TOM1L1: variants seen among roughly 807,000 people sequenced by gnomAD.
TOM1L1 encodes target of myb1 like 1 membrane trafficking protein.
Under a neutral mutation model 63.4 loss-of-function variants are expected in TOM1L1, and 64 were observed. That is an observed-to-expected ratio of 1.01 (90% CI 0.83 to 1.24). TOM1L1 has a LOEUF of 1.24. Among genes scored for constraint, TOM1L1 ranks in the 50% most tolerant of loss-of-function variants. The pLI is 0.00. For missense variants in TOM1L1, 536 were observed against 567.0 expected (o/e 0.95, Z 0.55); for synonymous variants, 166 against 194.4 (o/e 0.85, Z 1.22).
At chr17:54,915,669 A>C in intron 6 of TOM1L1, 77 bp from the exon 7 acceptor site, 1 of 989,324 alleles carries the variant, frequency 1.0e-6, no homozygotes, top group Non-Finnish European at 1.4e-6. Context: ...CATCCAGCAA[A>C]TGTCCCATGG....
chr17:54,933,616 G>A (rs969918586), intron 8 of TOM1L1, among the ~76,000 whole-genome samples: 34 of 152,064 alleles, frequency 2.2e-4, no homozygotes, highest in Non-Finnish European at 1.9e-4. Flanking sequence ...TCCACCTCCC[G>A]GGTTCAAGTG....
chr17:54,961,256 A>T lies in TOM1L1; in HGVS notation c.*23A>T. The T allele has an allele frequency of 6.5e-7, 1 of 1,549,702 alleles. No homozygotes were observed. Among genetic ancestry groups the T allele is most frequent in the East Asian group, 2.4e-5 (1 of 40,886 alleles). The stretch of plus-strand genomic sequence containing the variant: ...TTAGAAGAAAGTGGATGATCAGCTC[A>T]CTACCACATCAAAGGTGCCAACTCT... On this transcript the variant is annotated 3_prime_UTR_variant, in exon 16 of 16. Transcript: ENST00000575882.
chr17:54,917,145 T>C (rs2048604072), intron 7 of TOM1L1: 1 of 152,182 alleles, frequency 6.6e-6, no homozygotes, highest in Admixed American at 6.6e-5. Flanking sequence ...AACTTACTTA[T>C]CTTCCTTAGT....
At chr17:54,919,704 G>T (rs1290835248) in intron 7 of TOM1L1, among the ~76,000 whole-genome samples, 1 of 152,156 alleles carries the variant, frequency 6.6e-6, no homozygotes, top group Non-Finnish European at 1.5e-5. Context: ...TATAGAGACT[G>T]TTGAATGTGG....
chr17:54,931,238 C>G (rs1426118094), intron 8 of TOM1L1, among the ~76,000 whole-genome samples: 2 of 152,076 alleles, frequency 1.3e-5, no homozygotes, highest in Non-Finnish European at 2.9e-5. Context: ...AGTTGCATAA[C>G]TTTTCTAAGA....
chr17:54,930,355 A>T, intron 8 of TOM1L1, 149 bp downstream of exon 8: 1 of 1,073,582 alleles, frequency 9.3e-7, no homozygotes, highest in Non-Finnish European at 1.3e-6. Flanking sequence ...GGGGTGGGAC[A>T]GTTTTCCCTT....
chr17:54,937,076 T>C, intron 9 of TOM1L1, 33 bp from the exon 10 acceptor site: 6 of 1,491,230 alleles, frequency 4.0e-6, no homozygotes, highest in Non-Finnish European at 5.6e-6. Context: ...ATAAACTACA[T>C]GACACTTTTT....
intron 6 of TOM1L1, among the ~76,000 whole-genome samples, chr17:54,914,979 A>G (rs774397246): frequency 6.6e-6 from 1 of 152,174 alleles, no homozygotes; most frequent in Non-Finnish European, 1.5e-5. Context: ...GTGCTTGCCT[A>G]GCGGCTTTCA....
rs114165040 is a variant in TOM1L1, at chr17:54,918,475, G to A, written c.720+2613G>A. 4.7e-3 allele frequency among the ~76,000 whole-genome samples: 720 copies of A among 152,218 alleles called. 6 individuals are homozygous for A. Among genetic ancestry groups the A allele is most frequent in the African/African-American group, 0.015 (643 of 41,542 alleles). On this transcript the variant is annotated intron_variant, in intron 7 of 15. Transcript: ENST00000575882. The stretch of plus-strand genomic sequence containing the variant: ...AGAAGAGGATTTAAACCACAACGTG[G>A]GAGTATAAAATTCCAGGTGAGGTAA...
chr17:54,951,515 TAGAGAAGGTCG>T (rs1219316488), intron 14 of TOM1L1, among the ~76,000 whole-genome samples: 1 of 152,178 alleles, frequency 6.6e-6, no homozygotes, highest in Non-Finnish European at 1.5e-5. Flanking sequence ...AAAGGAGGAC[TAGAGAAGGTCG>T]AGAGATTCTG....
chr17:54,906,537 T>C (rs2048413899), intron 3 of TOM1L1, among the ~76,000 whole-genome samples: 1 of 151,810 alleles, frequency 6.6e-6, no homozygotes, highest in African/African-American at 2.4e-5. Flanking sequence ...ATGAGGAGAA[T>C]TGAAATTTTG....
intron 7 of TOM1L1, among the ~76,000 whole-genome samples, chr17:54,927,919 G>A (rs1236092032): frequency 6.6e-6 from 1 of 152,196 alleles, no homozygotes; most frequent in East Asian, 1.9e-4. Flanking sequence ...GGCAAAGGGA[G>A]TGTCTTCATG....
chr17:54,932,700 C>T (rs905350142), intron 8 of TOM1L1, among the ~76,000 whole-genome samples: 2 of 152,114 alleles, frequency 1.3e-5, no homozygotes, highest in African/African-American at 4.8e-5. Context: ...GGATTACAGG[C>T]GTGAGCCACC....
chr17:54,917,892 A>C (rs777725767), intron 7 of TOM1L1, among the ~76,000 whole-genome samples: 1 of 152,088 alleles, frequency 6.6e-6, no homozygotes, highest in Non-Finnish European at 1.5e-5. Flanking sequence ...TTTTTTCCTG[A>C]ATGCTACTAG....
chr17:54,952,654 A>G (rs1187607745), intron 14 of TOM1L1: 1 of 151,578 alleles, frequency 6.6e-6, no homozygotes. Flanking sequence ...TGAGGTATTT[A>G]TTCAGGTACA....
At chr17:54,944,347 G>C (rs2049082741) in intron 11 of TOM1L1, among the ~76,000 whole-genome samples, 2 of 151,948 alleles carry the variant, frequency 1.3e-5, no homozygotes, top group Non-Finnish European at 2.9e-5. Context: ...CTACTCGGGA[G>C]GCTGAGGCAT....
At chr17:54,942,687 T>C (rs2049051012) in intron 11 of TOM1L1, among the ~76,000 whole-genome samples, 1 of 152,232 alleles carries the variant, frequency 6.6e-6, no homozygotes, top group South Asian at 2.1e-4. Flanking sequence ...AATTTTCATA[T>C]ACTAAAATTG....
intron 1 of TOM1L1, chr17:54,901,133 CA>C: frequency 1.5e-6 from 1 of 651,292 alleles, no homozygotes; most frequent in Non-Finnish European, 2.6e-6. Flanking sequence ...CCTCAGTCCT[CA>C]AAAATGTACC....
intron 7 of TOM1L1, among the ~76,000 whole-genome samples, chr17:54,927,582 T>G (rs2048788873): frequency 6.6e-6 from 1 of 152,214 alleles, no homozygotes; most frequent in Non-Finnish European, 1.5e-5. Context: ...GCCTTTGCTT[T>G]TATATGGTAT....
Sources: gnomAD v4.1 joint callset for allele counts (sites outside exome capture counted in the v4.1 genomes callset) on GRCh38, gnomAD v4.1.1 for gene constraint, MANE v1.5 for transcripts, NCBI Gene and HGNC (gene_info 2026-07-23, HGNC 2026-07-21) for gene names.